Variants in KCNH1 observed in about 807,000 individuals in gnomAD.
KCNH1 encodes potassium voltage-gated channel subfamily H member 1.
A neutral mutation model predicts 69.2 loss-of-function variants in KCNH1; 27 were observed. That is an observed-to-expected ratio of 0.39 (90% confidence interval 0.29 to 0.54). The LOEUF (loss-of-function observed/expected upper bound fraction) is 0.54, where lower values mean the gene tolerates loss of function less well. Ranked by LOEUF, KCNH1 falls within the 20% of genes least tolerant of loss-of-function variation. The pLI is 0.68. For synonymous variants in KCNH1, 456 were observed against 487.7 expected, an observed-to-expected ratio of 0.93 and a Z score of 0.86; for missense variants, 798 against 1,261.6, an observed-to-expected ratio of 0.63 and a Z score of 5.57.
rs566871680 is a variant in KCNH1 at position 210,682,026 on chromosome 1, T to C, written c.*1255A>G. On this transcript the variant is annotated 3_prime_UTR_variant, in exon 11 of 11. Transcript: ENST00000271751. Reference sequence around the variant, plus strand: ...TGGCCCATACGCAGTTCTGTGACCATCACTGGGAGCCACAGCTCCAAGGCC... The same window carrying C: ...TGGCCCATACGCAGTTCTGTGACCACCACTGGGAGCCACAGCTCCAAGGCC... 6.6e-6 allele frequency: 1 copy of C among 152,262 alleles called. No homozygotes were observed. The highest frequency in any genetic ancestry group is 1.5e-5 in the Non-Finnish European group (1 of 68,016). The allele number at this position is 152,262 out of a possible 1,614,324, so 9.4% of individuals were successfully genotyped here.
intron 6 of KCNH1, among the ~76,000 whole-genome samples, chr1:210,999,271 A>T (rs1469243172): frequency 6.6e-6 from 1 of 152,214 alleles, no homozygotes; most frequent in East Asian, 1.9e-4. Context: ...TGCTAGCAAG[A>T]CTAATAAAGA....
intron 7 of KCNH1, among the ~76,000 whole-genome samples, chr1:210,870,341 A>G: frequency 6.6e-6 from 1 of 152,156 alleles, no homozygotes; most frequent in Non-Finnish European, 1.5e-5. Context: ...ATACTGTCTC[A>G]GTGATGTGCA....
chr1:210,714,040 A>G (rs1445011046), intron 10 of KCNH1, among the ~76,000 whole-genome samples: 1 of 152,142 alleles, frequency 6.6e-6, no homozygotes, highest in African/African-American at 2.4e-5. Context: ...TACGGGGCTA[A>G]TATGCTGCCT....
At chr1:211,062,851 CTT>C (rs577930286) in intron 5 of KCNH1, among the ~76,000 whole-genome samples, 123 of 152,224 alleles carry the variant, frequency 8.1e-4, no homozygotes, top group African/African-American at 2.9e-3. Flanking sequence ...CTCATAAACT[CTT>C]GTTAGAAATG....
chr1:210,831,904 G>A (rs887608400), intron 7 of KCNH1, among the ~76,000 whole-genome samples: 3 of 152,144 alleles, frequency 2.0e-5, no homozygotes, highest in African/African-American at 4.8e-5. Context: ...TGTCCAGTAT[G>A]GTAACCACTA....
intron 3 of KCNH1, among the ~76,000 whole-genome samples, chr1:211,095,161 A>T (rs1691122828): frequency 6.6e-6 from 1 of 152,240 alleles, no homozygotes; most frequent in Non-Finnish European, 1.5e-5. Context: ...ATATTCATAT[A>T]CATACACAGA....
At chr1:210,873,576 T>C (rs1457979814) in intron 7 of KCNH1, among the ~76,000 whole-genome samples, 1 of 152,090 alleles carries the variant, frequency 6.6e-6, no homozygotes, top group Non-Finnish European at 1.5e-5. Flanking sequence ...CTTGAACTCC[T>C]GACCTCAGCC....
chr1:210,743,760 C>T (rs1423033409), intron 10 of KCNH1, among the ~76,000 whole-genome samples: 3 of 152,198 alleles, frequency 2.0e-5, no homozygotes, highest in Non-Finnish European at 4.4e-5. Flanking sequence ...AGTGACTCTA[C>T]TCATTGACCC....
intron 6 of KCNH1, among the ~76,000 whole-genome samples, chr1:210,994,793 T>C (rs1688997343): frequency 6.6e-6 from 1 of 152,186 alleles, no homozygotes; most frequent in African/African-American, 2.4e-5. Context: ...TGAAAGTATA[T>C]GCTAGAATCA....
intron 7 of KCNH1, chr1:210,861,983 G>A: frequency 1.3e-6 from 1 of 758,888 alleles, no homozygotes; most frequent in Non-Finnish European, 2.4e-6. Flanking sequence ...AGCTCAGGAG[G>A]ATGGATAATG....
intron 7 of KCNH1, among the ~76,000 whole-genome samples, chr1:210,836,044 G>C (rs1021937267): frequency 1.3e-4 from 19 of 149,104 alleles, no homozygotes; most frequent in Admixed American, 1.1e-3. Context: ...CCTGGGAGGC[G>C]GAGGTTGCAG....
At chr1:211,012,623 A>C (rs1474221328) in intron 6 of KCNH1, among the ~76,000 whole-genome samples, 1 of 152,148 alleles carries the variant, frequency 6.6e-6, no homozygotes, top group Non-Finnish European at 1.5e-5. Context: ...GAATTGGGGT[A>C]GGGGGATGAA....
At chr1:210,880,092 A>G (rs1488208840) in intron 7 of KCNH1, among the ~76,000 whole-genome samples, 1 of 152,172 alleles carries the variant, frequency 6.6e-6, no homozygotes, top group Non-Finnish European at 1.5e-5. Context: ...AAATTAAAGA[A>G]GAAAATAAAT....
intron 10 of KCNH1, among the ~76,000 whole-genome samples, chr1:210,756,033 T>A (rs1034243696): frequency 2.0e-5 from 3 of 152,230 alleles, no homozygotes; most frequent in African/African-American, 7.2e-5. Flanking sequence ...GGCACGCTGC[T>A]AGCTATGGAA....
intron 7 of KCNH1, among the ~76,000 whole-genome samples, chr1:210,875,466 G>A (rs566788884): frequency 2.2e-4 from 33 of 152,268 alleles, no homozygotes; most frequent in African/African-American, 7.7e-4. Context: ...TATTAGGAGG[G>A]TTTAGGAAAC....
chr1:210,842,025 A>G lies in KCNH1; in HGVS notation c.1463-37859T>C, dbSNP rs1371477164. 4.6e-5 allele frequency among the ~76,000 whole-genome samples: 7 copies of G among 152,276 alleles called. No individual in the cohort carries two copies. The East Asian group carries it at 7.7e-4, about 17-fold the overall frequency. On this transcript the variant is annotated intron_variant, in intron 7 of 10. Transcript: ENST00000271751. ...AATTTCCCCAAATGAATACCCATTG[A>G]GTGCTCTCATTCCACTTACTGTAGG... is the stretch of plus-strand genomic sequence containing the variant.
intron 10 of KCNH1, among the ~76,000 whole-genome samples, chr1:210,731,864 A>C (rs1226979993): frequency 6.6e-6 from 1 of 152,188 alleles, no homozygotes; most frequent in Non-Finnish European, 1.5e-5. Context: ...CCAGCTTGGC[A>C]GGGTGCTCTA....
chr1:210,995,238 T>G (rs998937150), intron 6 of KCNH1, among the ~76,000 whole-genome samples: 12 of 152,204 alleles, frequency 7.9e-5, no homozygotes, highest in African/African-American at 2.7e-4. Flanking sequence ...GGCTTATATT[T>G]TTCTGCCTTT....
chr1:210,984,215 G>C (rs1688778958), intron 6 of KCNH1, among the ~76,000 whole-genome samples: 1 of 152,184 alleles, frequency 6.6e-6, no homozygotes, highest in African/African-American at 2.4e-5. Context: ...CATGTCATCT[G>C]CAAACAGCGA....
Sources: allele counts gnomAD v4.1 joint callset (sites outside exome capture counted in the v4.1 genomes callset), GRCh38; gene constraint gnomAD v4.1.1; transcripts MANE v1.5; gene names NCBI Gene and HGNC (gene_info 2026-07-23, HGNC 2026-07-21).